Variants in MAF observed in about 807,000 individuals in gnomAD.
MAF encodes MAF bZIP transcription factor.
MAF carries 10 observed loss-of-function variants against 22.0 expected under a neutral mutation model. The observed-to-expected ratio is 0.45, with a 90% CI of 0.28 to 0.77. The LOEUF (loss-of-function observed/expected upper bound fraction) is 0.77, where lower values mean the gene tolerates loss of function less well. MAF is among the 30% of genes least tolerant of loss of function. The probability of loss-of-function intolerance (pLI) is 0.12; values close to 1 mark genes in which losing one functional copy is unlikely to be tolerated. For missense variants in MAF, 544 were observed against 548.4 expected, an observed-to-expected ratio of 0.99 and a Z score of 0.08; for synonymous variants, 337 against 255.8, an observed-to-expected ratio of 1.32 and a Z score of -3.03.
the MAF span, among the ~76,000 whole-genome samples, chr16:79,448,285 C>A: frequency 1.3e-5 from 2 of 152,032 alleles, no homozygotes; most frequent in Non-Finnish European, 2.9e-5. Flanking sequence ...CAGCAACCAC[C>A]ACTATGATAA....
At chr16:79,387,922 T>G in the MAF span, among the ~76,000 whole-genome samples, 16 of 152,190 alleles carry the variant, frequency 1.1e-4, no homozygotes, top group Non-Finnish European at 1.5e-5. Flanking sequence ...GTCCCCAACA[T>G]AGTTAACTGA....
chr16:79,450,129 C>T, the MAF span, among the ~76,000 whole-genome samples: 1 of 152,190 alleles, frequency 6.6e-6, no homozygotes, highest in African/African-American at 2.4e-5. Flanking sequence ...ATCAGCTCTC[C>T]TAAAATCATC....
the MAF span, among the ~76,000 whole-genome samples, chr16:79,365,803 G>A: frequency 2.0e-5 from 3 of 152,222 alleles, no homozygotes; most frequent in African/African-American, 7.2e-5. Flanking sequence ...TTGACGAGGT[G>A]CCATGTTCCT....
At chr16:79,329,391 G>A in the MAF span, among the ~76,000 whole-genome samples, 1 of 152,258 alleles carries the variant, frequency 6.6e-6, no homozygotes, top group East Asian at 1.9e-4. Context: ...GGAAGAAAGT[G>A]CCACGCAAAT....
chr16:79,352,231 G>A, the MAF span, among the ~76,000 whole-genome samples: 2 of 152,170 alleles, frequency 1.3e-5, no homozygotes, highest in Non-Finnish European at 2.9e-5. Context: ...CAAGCTCCGG[G>A]CAAGAATAAT....
chr16:79,290,597 TAA>T, the MAF span, among the ~76,000 whole-genome samples: 7 of 150,134 alleles, frequency 4.7e-5, no homozygotes, highest in Non-Finnish European at 1.0e-4. Flanking sequence ...TAAAACAGAG[TAA>T]AAGTCACAAG....
At chr16:79,208,442 T>C in the MAF span, among the ~76,000 whole-genome samples, 3 of 152,108 alleles carry the variant, frequency 2.0e-5, no homozygotes, top group Non-Finnish European at 4.4e-5. Context: ...TGTCAAGGTA[T>C]TATTATTTAT....
the MAF span, among the ~76,000 whole-genome samples, chr16:79,221,314 G>C: frequency 6.6e-6 from 1 of 152,078 alleles, no homozygotes; most frequent in African/African-American, 2.4e-5. Context: ...AGGGAGAGAG[G>C]CTGAGCAGAT....
At chr16:79,492,965 CTTTTT>C in the MAF span, among the ~76,000 whole-genome samples, 2 of 148,838 alleles carry the variant, frequency 1.3e-5, no homozygotes, top group African/African-American at 4.9e-5. Flanking sequence ...TTTTCTTTTT[CTTTTT>C]TTTTTGGAGG....
At chr16:79,212,247 C>A in the MAF span, 3 of 1,334,996 alleles carry the variant, frequency 2.2e-6, no homozygotes, top group East Asian at 7.6e-5. Flanking sequence ...TGCATTGATC[C>A]AGGAGATAAT....
chr16:79,336,558 A>G, the MAF span, among the ~76,000 whole-genome samples: 2 of 152,302 alleles, frequency 1.3e-5, no homozygotes, highest in African/African-American at 4.8e-5. Context: ...ATTTTCTTCT[A>G]TTCCTCATTT....
the MAF span, among the ~76,000 whole-genome samples, chr16:79,496,940 G>C: frequency 3.3e-5 from 5 of 152,190 alleles, no homozygotes; most frequent in Admixed American, 6.5e-5. Context: ...GTGGGCCTGA[G>C]AATATTGGTT....
downstream of MAF, among the ~76,000 whole-genome samples, chr16:79,581,458 A>T (rs1481799850): frequency 2.0e-5 from 3 of 152,048 alleles, no homozygotes; most frequent in African/African-American, 7.2e-5. Context: ...CCCCAACTCA[A>T]CTCTGCTGCT....
chr16:79,480,477 C>G, the MAF span, among the ~76,000 whole-genome samples: 1 of 152,102 alleles, frequency 6.6e-6, no homozygotes, highest in Non-Finnish European at 1.5e-5. Flanking sequence ...TCCTCTAAGC[C>G]ACAGCTCAGA....
chr16:79,431,084 G>A, the MAF span, among the ~76,000 whole-genome samples: 4 of 152,054 alleles, frequency 2.6e-5, no homozygotes, highest in Non-Finnish European at 2.9e-5. Flanking sequence ...TCAGAACAGG[G>A]CAAAAGGAGC....
intron 1 of MAF, 58 bp downstream of exon 1, chr16:79,598,727 C>A (rs1913752805): frequency 6.2e-7 from 1 of 1,609,984 alleles, no homozygotes; most frequent in Non-Finnish European, 8.5e-7. Context: ...CACACCCGAG[C>A]CGGACCCCCG....
chr16:79,424,593 T>C, the MAF span, among the ~76,000 whole-genome samples: 1 of 152,226 alleles, frequency 6.6e-6, no homozygotes, highest in Non-Finnish European at 1.5e-5. Context: ...TGTTTCCATG[T>C]TTCTGTGAGC....
At chr16:79,448,804 A>C in the MAF span, among the ~76,000 whole-genome samples, 2 of 152,132 alleles carry the variant, frequency 1.3e-5, no homozygotes, top group Non-Finnish European at 2.9e-5. Flanking sequence ...ACTACAGTAT[A>C]GTATAAACCA....
At chr16:79,498,943 T>A in the MAF span, among the ~76,000 whole-genome samples, 1 of 152,166 alleles carries the variant, frequency 6.6e-6, no homozygotes, top group East Asian at 1.9e-4. Flanking sequence ...AAGGCAGATG[T>A]GTAGCAAGGA....
Sources: allele counts gnomAD v4.1 joint callset (sites outside exome capture counted in the v4.1 genomes callset), GRCh38; gene constraint gnomAD v4.1.1; transcripts MANE v1.5; gene names NCBI Gene and HGNC (gene_info 2026-07-23, HGNC 2026-07-21).